The following LRRTM4 variants were observed in gnomAD, a reference collection of about 807,000 sequenced individuals.
The protein encoded by LRRTM4 is leucine rich repeat transmembrane neuronal 4, also known as leucine-rich repeat transmembrane neuronal protein 4.
LRRTM4 carries 25 observed loss-of-function variants against 47.6 expected under a neutral mutation model. The observed-to-expected ratio is 0.53, with a 90% CI of 0.38 to 0.73. LRRTM4 has a LOEUF of 0.73. Ranked by LOEUF, LRRTM4 falls within the 30% of genes least tolerant of loss-of-function variation. The pLI is 0.00. For missense variants in LRRTM4, 638 were observed against 713.4 expected, an observed-to-expected ratio of 0.89 and a Z score of 1.20; for synonymous variants, 311 against 269.5, an observed-to-expected ratio of 1.15 and a Z score of -1.51.
At chr2:77,043,596 AAG>A (rs1362624555) in intron 3 of LRRTM4, among the ~76,000 whole-genome samples, 4 of 151,892 alleles carry the variant, frequency 2.6e-5, no homozygotes, top group Admixed American at 6.6e-5. Flanking sequence ...AAGAGAGAGA[AAG>A]AGTTAAGCAA....
At chr2:77,395,117 A>C (rs1673652282) in intron 3 of LRRTM4, among the ~76,000 whole-genome samples, 1 of 151,942 alleles carries the variant, frequency 6.6e-6, no homozygotes, top group African/African-American at 2.4e-5. Flanking sequence ...TTACTGGGCC[A>C]CAAAGAGTCT....
At position 77,375,335 on chromosome 2, in the gene LRRTM4, C is replaced by T. The variant is rs910815016; in HGVS notation, c.1551+142983G>A. ...ATTAATATAATTTAGTGATTTGGGA[C>T]ATATGCACCATACCCGTGTAACTAT... On this transcript the variant is annotated intron_variant, in intron 3 of 3. Transcript: ENST00000409884. 2.6e-5 allele frequency among the ~76,000 whole-genome samples: 4 copies of T among 151,012 alleles called. No individual in the cohort carries two copies. In the South Asian group the frequency reaches 8.3e-4, roughly 31 times the overall value.
intron 3 of LRRTM4, among the ~76,000 whole-genome samples, chr2:77,145,222 T>TGG (rs923002795): frequency 5.3e-5 from 8 of 150,602 alleles, no homozygotes; most frequent in African/African-American, 1.9e-4. Context: ...TGTGTGTGTG[T>TGG]GTATATCTCA....
chr2:76,798,699 G>A lies in LRRTM4; in HGVS notation c.1552-49783C>T, dbSNP rs879414461. On this transcript the variant is annotated intron_variant, in intron 3 of 3. Coordinates refer to ENST00000409884, the MANE Select transcript of LRRTM4 (RefSeq NM_001134745.3). ...AAAGGATCAACAAAATTGATAGACC[G>A]CTAGCAAGACTAATAAAGAAGAAAA... Among the ~76,000 whole-genome samples the A allele has an allele frequency of 9.3e-3, 1,389 of 148,700 alleles. 4 individuals are homozygous for A. The highest frequency in any genetic ancestry group is 0.012 in the Non-Finnish European group (828 of 67,290).
At chr2:77,517,694 A>C (rs79425265) in intron 3 of LRRTM4, 1 of 877,860 alleles carries the variant, frequency 1.1e-6, no homozygotes, top group Non-Finnish European at 1.3e-6. Context: ...AAAGAAGGAA[A>C]CAAAAAAAAA....
intron 3 of LRRTM4, among the ~76,000 whole-genome samples, chr2:77,069,146 CT>C (rs1680062612): frequency 6.6e-6 from 1 of 152,150 alleles, no homozygotes; most frequent in Non-Finnish European, 1.5e-5. Context: ...TGTGAGACCC[CT>C]GATTTCCACT....
At chr2:76,923,956 G>A (rs1293234895) in intron 3 of LRRTM4, among the ~76,000 whole-genome samples, 1 of 151,978 alleles carries the variant, frequency 6.6e-6, no homozygotes, top group African/African-American at 2.4e-5. Context: ...CAATATTACT[G>A]TGGCATAGGT....
chr2:77,425,554 C>G (rs144543552), intron 3 of LRRTM4, among the ~76,000 whole-genome samples: 2 of 152,260 alleles, frequency 1.3e-5, no homozygotes, highest in African/African-American at 2.4e-5. Flanking sequence ...CCTCAAGGCT[C>G]CCTCTAAAGA....
chr2:76,762,738 T>C lies in LRRTM4; in HGVS notation c.1552-13822A>G, dbSNP rs939317886. 7.9e-5 allele frequency among the ~76,000 whole-genome samples: 12 copies of C among 152,234 alleles called. No individual in the cohort carries two copies. In the East Asian group the frequency reaches 1.9e-3, roughly 25 times the overall value. ...ACTTTGGAAGGCCTAGGTGGGAGGATTGCTTGAGGCCAGGAATTTGAGACC... is the reference window on the plus strand; with the variant it reads ...ACTTTGGAAGGCCTAGGTGGGAGGACTGCTTGAGGCCAGGAATTTGAGACC... On this transcript the variant is annotated intron_variant, in intron 3 of 3. Coordinates refer to ENST00000409884, the MANE Select transcript of LRRTM4 (RefSeq NM_001134745.3).
At chr2:76,826,394 T>C (rs996391629) in intron 3 of LRRTM4, among the ~76,000 whole-genome samples, 1 of 151,566 alleles carries the variant, frequency 6.6e-6, no homozygotes, top group Non-Finnish European at 1.5e-5. Flanking sequence ...TAAACCCTTA[T>C]ATATGATCTA....
chr2:77,388,564 T>G (rs539923510), intron 3 of LRRTM4, among the ~76,000 whole-genome samples: 2 of 152,298 alleles, frequency 1.3e-5, no homozygotes, highest in South Asian at 4.1e-4. Context: ...TTTTTTTTCC[T>G]TTAGGATAGT....
intron 3 of LRRTM4, among the ~76,000 whole-genome samples, chr2:76,944,909 C>T (rs1483560723): frequency 2.0e-5 from 3 of 152,070 alleles, no homozygotes; most frequent in Non-Finnish European, 4.4e-5. Flanking sequence ...CAGTGTTCTA[C>T]AGCTCAGGTA....
chr2:76,916,403 A>AAAAAG lies in LRRTM4; in HGVS notation c.1552-167492_1552-167488dup, dbSNP rs1553430735. Among the ~76,000 whole-genome samples, 1,113 of 138,188 alleles carry AAAAAG rather than the reference A, an allele frequency of 8.1e-3. 15 individuals carry two copies. The highest frequency in any genetic ancestry group is 0.066 in the East Asian group (232 of 3,520). 90.7% of individuals were successfully genotyped at this position (138,188 alleles called of 152,430 possible). A position where few individuals can be genotyped will look rare whatever the true frequency, so the allele number is the denominator to read the frequency against. On this transcript the variant is annotated intron_variant, in intron 3 of 3. Transcript: ENST00000409884. The stretch of plus-strand genomic sequence containing the variant: ...GTGTCTCAAAAAAAAAAAAAAAAAA[A>AAAAAG]AAAAGAAAAGAAAAAAAATATGTAT...
At chr2:76,901,418 A>C (rs983402994) in intron 3 of LRRTM4, among the ~76,000 whole-genome samples, 1 of 152,130 alleles carries the variant, frequency 6.6e-6, no homozygotes, top group Non-Finnish European at 1.5e-5. Flanking sequence ...TCCATGGTCT[A>C]TATGTACCAC....
chr2:76,998,950 T>G (rs41375150), intron 3 of LRRTM4, among the ~76,000 whole-genome samples: 1 of 151,852 alleles, frequency 6.6e-6, no homozygotes, highest in African/African-American at 2.4e-5. Flanking sequence ...GTATAAGAAC[T>G]GTAACTACTC....
chr2:77,512,357 G>C (rs1679052826), intron 3 of LRRTM4, among the ~76,000 whole-genome samples: 1 of 151,934 alleles, frequency 6.6e-6, no homozygotes, highest in Non-Finnish European at 1.5e-5. Context: ...AATGGCTTAT[G>C]GAGTGCATGA....
chr2:77,351,651 ATGAG>A (rs777647355), intron 3 of LRRTM4, among the ~76,000 whole-genome samples: 47 of 138,890 alleles, frequency 3.4e-4, no homozygotes, highest in Non-Finnish European at 6.1e-4. Context: ...GTTAATGTGA[ATGAG>A]TGTGTATACA....
At chr2:76,786,907 T>C (rs545062214) in intron 3 of LRRTM4, among the ~76,000 whole-genome samples, 11 of 152,072 alleles carry the variant, frequency 7.2e-5, no homozygotes, top group African/African-American at 2.4e-4. Flanking sequence ...AGTCAGCAAG[T>C]TTTTGACACT....
At chr2:76,835,579 T>TG (rs1425122556) in intron 3 of LRRTM4, among the ~76,000 whole-genome samples, 1 of 152,104 alleles carries the variant, frequency 6.6e-6, no homozygotes, top group Non-Finnish European at 1.5e-5. Flanking sequence ...ATAAATGCTC[T>TG]GATCATAAGT....
Sources: allele counts gnomAD v4.1 joint callset (sites outside exome capture counted in the v4.1 genomes callset), GRCh38; gene constraint gnomAD v4.1.1; transcripts MANE v1.5; gene names NCBI Gene and HGNC (gene_info 2026-07-23, HGNC 2026-07-21).